EPHA4: variants seen among roughly 807,000 people sequenced by gnomAD.
The protein encoded by EPHA4 is ephrin type-A receptor 4.
A neutral mutation model predicts 108.3 loss-of-function variants in EPHA4; 19 were observed. The observed-to-expected ratio is 0.18, with a 90% CI of 0.12 to 0.26. The LOEUF (loss-of-function observed/expected upper bound fraction) is 0.26. Among genes scored for constraint, EPHA4 ranks in the 10% least tolerant of loss-of-function variants. The pLI is 1.00. For synonymous variants in EPHA4, 449 were observed against 455.5 expected, an observed-to-expected ratio of 0.99 and a Z score of 0.18; for missense variants, 917 against 1,254.0, an observed-to-expected ratio of 0.73 and a Z score of 4.06.
At chr2:221,442,615 A>C (rs908324164) in intron 11 of EPHA4, among the ~76,000 whole-genome samples, 1 of 152,204 alleles carries the variant, frequency 6.6e-6, no homozygotes, top group African/African-American at 2.4e-5. Context: ...AATTTCTCTA[A>C]AATCTCACAC....
chr2:221,566,950 G>GAGA (rs1468507154), intron 2 of EPHA4, among the ~76,000 whole-genome samples: 2 of 7,116 alleles, frequency 2.8e-4, no homozygotes, highest in Non-Finnish European at 3.2e-4. Flanking sequence ...GAAGGAGAAG[G>GAGA]AGAAGGGGAA....
chr2:221,546,504 ATATT>A (rs1423994102), intron 3 of EPHA4, among the ~76,000 whole-genome samples: 1 of 150,626 alleles, frequency 6.6e-6, no homozygotes, highest in Non-Finnish European at 1.5e-5. Context: ...TTCCCATCTG[ATATT>A]TATTATATAT....
At chr2:221,513,196 G>C (rs1331400303) in intron 3 of EPHA4, among the ~76,000 whole-genome samples, 1 of 152,202 alleles carries the variant, frequency 6.6e-6, no homozygotes, top group Non-Finnish European at 1.5e-5. Context: ...TTTTGAGGGA[G>C]AGCACAGTCC....
At chr2:221,480,489 C>A (rs1326664871) in intron 5 of EPHA4, among the ~76,000 whole-genome samples, 1 of 152,096 alleles carries the variant, frequency 6.6e-6, no homozygotes, top group East Asian at 1.9e-4. Flanking sequence ...AGCACCGATG[C>A]GTGTTCCCAG....
intron 3 of EPHA4, among the ~76,000 whole-genome samples, chr2:221,509,631 T>TATATTAAGAAATA (rs1692763726): frequency 6.6e-6 from 1 of 152,206 alleles, no homozygotes; most frequent in Admixed American, 6.5e-5. Flanking sequence ...TTAATTTTGG[T>TATATTAAGAAATA]TACCTTAATC....
At chr2:221,477,081 G>A (rs1691676471) in intron 5 of EPHA4, among the ~76,000 whole-genome samples, 1 of 151,636 alleles carries the variant, frequency 6.6e-6, no homozygotes, top group African/African-American at 2.4e-5. Flanking sequence ...TTATTTTGCA[G>A]TTAATGCTTA....
chr2:221,542,376 T>G (rs547565631), intron 3 of EPHA4, among the ~76,000 whole-genome samples: 1 of 151,890 alleles, frequency 6.6e-6, no homozygotes, highest in South Asian at 2.1e-4. Flanking sequence ...AGCTCAGGAG[T>G]CTAACAAGAT....
At chr2:221,504,344 T>TGGAGGAGGA (rs1692569329) in intron 3 of EPHA4, among the ~76,000 whole-genome samples, 1 of 151,330 alleles carries the variant, frequency 6.6e-6, no homozygotes, top group Admixed American at 6.6e-5. Context: ...TAAAAAAAGA[T>TGGAGGAGGA]GGAGGAGGAG....
intron 3 of EPHA4, among the ~76,000 whole-genome samples, chr2:221,536,446 C>T (rs1289938256): frequency 6.6e-6 from 1 of 152,236 alleles, no homozygotes; most frequent in Non-Finnish European, 1.5e-5. Flanking sequence ...ATGCTCTGCA[C>T]TAGACCCTGG....
chr2:221,434,593 T>A (rs1281734782), intron 13 of EPHA4, among the ~76,000 whole-genome samples: 2 of 152,264 alleles, frequency 1.3e-5, no homozygotes, highest in Non-Finnish European at 2.9e-5. Context: ...ACAAAATACG[T>A]GTTATCTACG....
intron 8 of EPHA4, among the ~76,000 whole-genome samples, chr2:221,448,467 G>A (rs1690667087): frequency 6.6e-6 from 1 of 152,164 alleles, no homozygotes; most frequent in Non-Finnish European, 1.5e-5. Flanking sequence ...CTTCATTGAA[G>A]TAACTAAACA....
intron 5 of EPHA4, among the ~76,000 whole-genome samples, chr2:221,464,097 G>C (rs1691232001): frequency 6.6e-6 from 1 of 152,124 alleles, no homozygotes; most frequent in African/African-American, 2.4e-5. Flanking sequence ...GATGTCAGTG[G>C]TACACAATGG....
intron 9 of EPHA4, among the ~76,000 whole-genome samples, chr2:221,445,759 G>A (rs1160549080): frequency 5.3e-5 from 8 of 151,956 alleles, no homozygotes; most frequent in Non-Finnish European, 1.0e-4. Context: ...AGCAATTACT[G>A]TTACATTTCT....
At chr2:221,503,373 T>A (rs1483764231) in intron 3 of EPHA4, among the ~76,000 whole-genome samples, 1 of 152,154 alleles carries the variant, frequency 6.6e-6, no homozygotes, top group African/African-American at 2.4e-5. Flanking sequence ...CCAAATGGCA[T>A]ATTTGAAAAG....
intron 8 of EPHA4, among the ~76,000 whole-genome samples, chr2:221,449,648 G>C (rs1690708150): frequency 6.6e-6 from 1 of 152,186 alleles, no homozygotes; most frequent in Non-Finnish European, 1.5e-5. Flanking sequence ...AACAGCGTGA[G>C]CCCTCTCAAC....
intron 13 of EPHA4, 33 bp from the exon 14 acceptor site, chr2:221,434,324 A>C (rs942393950): frequency 1.2e-6 from 2 of 1,608,268 alleles, no homozygotes; most frequent in Non-Finnish European, 1.7e-6. Context: ...TTATTCCTTA[A>C]GTACATCACT....
chr2:221,528,811 C>T (rs1037294363), intron 3 of EPHA4, among the ~76,000 whole-genome samples: 1 of 152,132 alleles, frequency 6.6e-6, no homozygotes, highest in African/African-American at 2.4e-5. Context: ...CCTCCTGTGC[C>T]ATCACCAAAT....
chr2:221,511,787 T>A lies in EPHA4; in HGVS notation c.824-10615A>T, dbSNP rs1692840385. 3.9e-5 allele frequency among the ~76,000 whole-genome samples: 6 copies of A among 152,236 alleles called. 1 individual carries two copies. On this transcript the variant is annotated intron_variant, in intron 3 of 17. Transcript: ENST00000281821. ...TAGAAGGCAGTACAGCAACCTATAATCACAATAATTCCTTTTTTAAAAAAC... is the reference window on the plus strand; with the variant it reads ...TAGAAGGCAGTACAGCAACCTATAAACACAATAATTCCTTTTTTAAAAAAC...
At chr2:221,448,033 G>A (rs12993548) in intron 8 of EPHA4, among the ~76,000 whole-genome samples, 2 of 151,716 alleles carry the variant, frequency 1.3e-5, no homozygotes, top group African/African-American at 2.4e-5. Context: ...GTAGAGCCAG[G>A]GTTTCACCAT....
Sources: gnomAD v4.1 joint callset for allele counts (sites outside exome capture counted in the v4.1 genomes callset) on GRCh38, gnomAD v4.1.1 for gene constraint, MANE v1.5 for transcripts, NCBI Gene and HGNC (gene_info 2026-07-23, HGNC 2026-07-21) for gene names.